SMAD2: variants seen among roughly 807,000 people sequenced by gnomAD.
SMAD2 encodes SMAD family member 2, also known as MAD homolog 2.
Under a neutral mutation model 64.4 loss-of-function variants are expected in SMAD2, and 8 were observed. The ratio of observed to expected loss-of-function variants is 0.12; its 90% CI spans 0.07 to 0.22. The LOEUF is 0.22. Ranked by LOEUF, SMAD2 falls within the 10% of genes least tolerant of loss-of-function variation. SMAD2 has a pLI of 1.00. For missense variants in SMAD2, 289 were observed against 561.2 expected, an observed-to-expected ratio of 0.51 and a Z score of 4.90; for synonymous variants, 203 against 195.8, an observed-to-expected ratio of 1.04 and a Z score of -0.31.
At chr18:47,899,796 C>T (rs2033607897) in intron 1 of SMAD2, among the ~76,000 whole-genome samples, 1 of 152,168 alleles carries the variant, frequency 6.6e-6, no homozygotes, top group South Asian at 2.1e-4. Flanking sequence ...CACCTTCTAC[C>T]TTCTTTGATG....
rs181675033 is a variant in SMAD2, at chr18:47,879,525, T to G, written c.237-8961A>C. Among the ~76,000 whole-genome samples the G allele has an allele frequency of 2.0e-4, 31 of 151,448 alleles. No individual in the cohort carries two copies. In the East Asian group the frequency reaches 5.6e-3, roughly 27 times the overall value. The stretch of plus-strand genomic sequence containing the variant: ...GTGTGTGTGTGTGTGTGTGTGTGTG[T>G]GTGGAGTCGTTTTCCATTACTTGAA... On this transcript the variant is annotated intron_variant, in intron 2 of 10. Transcript: ENST00000262160.
At chr18:47,849,846 A>G (rs1283742437) in intron 7 of SMAD2, among the ~76,000 whole-genome samples, 1 of 151,672 alleles carries the variant, frequency 6.6e-6, no homozygotes, top group Non-Finnish European at 1.5e-5. Flanking sequence ...CATCTCTACT[A>G]AAAATACAAA....
intron 2 of SMAD2, among the ~76,000 whole-genome samples, chr18:47,881,637 CAA>C (rs1304984510): frequency 3.3e-5 from 5 of 152,142 alleles, no homozygotes; most frequent in Admixed American, 2.6e-4. Flanking sequence ...AATAAGGACA[CAA>C]GAGTAGACAT....
At chr18:47,864,549 G>A (rs994550728) in intron 6 of SMAD2, among the ~76,000 whole-genome samples, 2 of 152,076 alleles carry the variant, frequency 1.3e-5, no homozygotes, top group African/African-American at 2.4e-5. Context: ...TACGTAAGAC[G>A]TGATTTAAAG....
chr18:47,844,379 A>T (rs115129173), intron 10 of SMAD2, among the ~76,000 whole-genome samples: 41 of 152,318 alleles, frequency 2.7e-4, no homozygotes, highest in African/African-American at 8.7e-4. Context: ...TTAAGCAGGC[A>T]TATGGAGTAA....
intron 1 of SMAD2, among the ~76,000 whole-genome samples, chr18:47,898,490 C>G (rs1446052008): frequency 1.3e-5 from 2 of 152,128 alleles, no homozygotes; most frequent in East Asian, 3.8e-4. Context: ...TGCACATATT[C>G]TTAACGTTAA....
intron 1 of SMAD2, among the ~76,000 whole-genome samples, chr18:47,921,900 TTG>T (rs1374404770): frequency 6.6e-6 from 1 of 152,244 alleles, no homozygotes; most frequent in Non-Finnish European, 1.5e-5. Context: ...TGGGCCTAAC[TTG>T]TGTCTGTGTC....
At chr18:47,911,351 G>GAA (rs757456034) in intron 1 of SMAD2, among the ~76,000 whole-genome samples, 10 of 118,746 alleles carry the variant, frequency 8.4e-5, no homozygotes, top group Admixed American at 1.7e-4. Context: ...ACTCCATCTG[G>GAA]AAAAAAAAAA....
Position 47,821,722 on chromosome 18 carries a change from A to C in SMAD2, c.*20105T>G, listed in dbSNP as rs1277547935. 2.0e-5 allele frequency: 3 copies of C among 152,174 alleles called. No individual in the cohort carries two copies. Among genetic ancestry groups the C allele is most frequent in the African/African-American group, 7.2e-5 (3 of 41,468 alleles). 9.4% of individuals were successfully genotyped at this position (152,174 alleles called of 1,614,324 possible). ...CCATTTTGGCAACTGGCCTAAGAAA[A>C]ATTTTATGTTCTATCAAGATAAATT... On this transcript the variant is annotated 3_prime_UTR_variant, in exon 11 of 11. Coordinates refer to ENST00000262160, the MANE Select transcript of SMAD2 (RefSeq NM_005901.6).
At chr18:47,879,495 C>CGTGTGTGTGTGT (rs58440360) in intron 2 of SMAD2, among the ~76,000 whole-genome samples, 22,995 of 141,142 alleles carry the variant, frequency 0.16, 2,211 homozygotes, top group East Asian at 0.28. Context: ...ATGTATATGA[C>CGTGTGTGTGTGT]GTGTGTGTGT....
intron 2 of SMAD2, chr18:47,882,561 T>C (rs1366253770): frequency 6.6e-6 from 1 of 152,212 alleles, no homozygotes; most frequent in Non-Finnish European, 1.5e-5. Context: ...TTATGATGTA[T>C]TCTTTTCTCA....
At chr18:47,915,393 G>A (rs1598889380) in intron 1 of SMAD2, among the ~76,000 whole-genome samples, 1 of 152,144 alleles carries the variant, frequency 6.6e-6, no homozygotes, top group East Asian at 1.9e-4. Flanking sequence ...CATTTTAGCT[G>A]TCACATGGCA....
intron 1 of SMAD2, among the ~76,000 whole-genome samples, chr18:47,917,032 C>T (rs1051263389): frequency 6.6e-6 from 1 of 151,880 alleles, no homozygotes; most frequent in Non-Finnish European, 1.5e-5. Flanking sequence ...TTTTTGTTGT[C>T]GTTGTTGAGA....
At position 47,927,860 on chromosome 18, in the gene SMAD2, T is replaced by C. The variant is rs141512646; in HGVS notation, c.-54+2501A>G. ...GTTGCGGTGAGCCGAGATCGTGCCA[T>C]TGCACTCCAGCCTGGGCAACAAGAG... On this transcript the variant is annotated intron_variant, in intron 1 of 10. Coordinates refer to ENST00000262160, the MANE Select transcript of SMAD2 (RefSeq NM_005901.6). Among the ~76,000 whole-genome samples the C allele has an allele frequency of 7.5e-3, 1,140 of 152,216 alleles. 9 individuals carry two copies. The highest frequency in any genetic ancestry group is 0.026 in the African/African-American group (1,061 of 41,526).
intron 1 of SMAD2, among the ~76,000 whole-genome samples, chr18:47,909,968 C>G (rs1490393315): frequency 4.0e-5 from 6 of 151,718 alleles, no homozygotes; most frequent in Non-Finnish European, 8.8e-5. Context: ...GTCAATGTTA[C>G]AAAAAAGAAC....
rs1912614469 is a variant in SMAD2 at position 47,822,685 on chromosome 18, TG to T, written c.*19141del. On this transcript the variant is annotated 3_prime_UTR_variant, in exon 11 of 11. Coordinates refer to ENST00000262160, the MANE Select transcript of SMAD2 (RefSeq NM_005901.6). Reference sequence around the variant, plus strand: ...TTGGAAACTATTTTGAGTATTCATTTGTTTTTGTTTTTGAGACGGAGTCTCG... The same window carrying T: ...TTGGAAACTATTTTGAGTATTCATTTTTTTTGTTTTTGAGACGGAGTCTCG... 1 of 152,238 alleles carries T rather than the reference TG, an allele frequency of 6.6e-6. No individual in the cohort carries two copies. Among genetic ancestry groups the T allele is most frequent in the Non-Finnish European group, 1.5e-5 (1 of 68,038 alleles). 9.4% of individuals were successfully genotyped at this position (152,238 alleles called of 1,614,324 possible). A position where few individuals can be genotyped will look rare whatever the true frequency, so the allele number is the denominator to read the frequency against.
chr18:47,851,626 C>T (rs957054939), intron 6 of SMAD2, among the ~76,000 whole-genome samples: 3 of 152,024 alleles, frequency 2.0e-5, no homozygotes, highest in African/African-American at 4.8e-5. Context: ...ACTCTATGAA[C>T]CACATAAGCA....
chr18:47,891,237 G>A (rs529063056), intron 2 of SMAD2, among the ~76,000 whole-genome samples: 3 of 152,262 alleles, frequency 2.0e-5, no homozygotes, highest in South Asian at 4.1e-4. Context: ...CCTGGGAGGC[G>A]GAAGTTGCAG....
intron 7 of SMAD2, among the ~76,000 whole-genome samples, chr18:47,850,239 T>TTATATTA (rs1915026920): frequency 1.6e-5 from 1 of 62,582 alleles, no homozygotes; most frequent in Non-Finnish European, 2.8e-5. Context: ...ATATTATATA[T>TTATATTA]TATATATTAT....
Sources: gnomAD v4.1 joint callset for allele counts (sites outside exome capture counted in the v4.1 genomes callset) on GRCh38, gnomAD v4.1.1 for gene constraint, MANE v1.5 for transcripts, NCBI Gene and HGNC (gene_info 2026-07-23, HGNC 2026-07-21) for gene names.